The following BFSP1 variants were observed in gnomAD, a reference collection of about 807,000 sequenced individuals.
BFSP1 encodes filensin.
In BFSP1, 38 loss-of-function variants were observed where a neutral mutation model predicts 43.9. The ratio of observed to expected loss-of-function variants is 0.87; its 90% confidence interval spans 0.67 to 1.14. The LOEUF (loss-of-function observed/expected upper bound fraction) is 1.14. BFSP1 is among the 50% of genes most tolerant of loss of function. The probability of loss-of-function intolerance (pLI) is 0.00; values close to 1 mark genes in which losing one functional copy is unlikely to be tolerated. For synonymous variants in BFSP1, 352 were observed against 354.8 expected, an observed-to-expected ratio of 0.99 and a Z score of 0.09; for missense variants, 850 against 875.1, an observed-to-expected ratio of 0.97 and a Z score of 0.36.
rs530630840 is a variant in BFSP1, at chr20:17,546,255, G to A, written c.2+12433C>T. 1.1e-4 allele frequency among the ~76,000 whole-genome samples: 16 copies of A among 152,286 alleles called. No homozygotes were observed. The East Asian group carries it at 1.9e-3, about 18-fold the overall frequency. ...GACAGGTGAGAGAGAGGGAGAGCAC[G>A]TGAGACTGCAAGAAGAACTACCATT... On this transcript the variant is annotated intron_variant, in intron 1 of 7. Transcript: ENST00000377868.
At chr20:17,499,347 C>T (rs1344396074) in intron 5 of BFSP1, among the ~76,000 whole-genome samples, 1 of 148,130 alleles carries the variant, frequency 6.8e-6, no homozygotes, top group Non-Finnish European at 1.5e-5. Flanking sequence ...AGGCTAAAGG[C>T]TTCCACCTCA....
chr20:17,548,790 TG>T (rs1439716925), intron 1 of BFSP1, among the ~76,000 whole-genome samples: 1 of 151,854 alleles, frequency 6.6e-6, no homozygotes, highest in Non-Finnish European at 1.5e-5. Flanking sequence ...TTTTTGGTGG[TG>T]GTAGTTTTGT....
chr20:17,553,146 T>G (rs758166493), intron 1 of BFSP1, among the ~76,000 whole-genome samples: 11 of 152,100 alleles, frequency 7.2e-5, no homozygotes, highest in Non-Finnish European at 2.9e-5. Context: ...GAAGAGTGTG[T>G]GGGATTCCGG....
At position 17,496,182 on chromosome 20, in the gene BFSP1, G is replaced by C. The variant is rs545765156; in HGVS notation, c.1042+756C>G. Among the ~76,000 whole-genome samples the C allele has an allele frequency of 1.1e-4, 17 of 152,336 alleles. No homozygotes were observed. The East Asian group carries it at 3.3e-3, about 29-fold the overall frequency. ...TGCAGGGCCGCTCGTCTGCAGACCT[G>C]GCCCTGGGCGTCCAGCTGCAAGGCT... On this transcript the variant is annotated intron_variant, in intron 7 of 7. Transcript: ENST00000377873.
rs1434483138 is a variant in BFSP1, at chr20:17,494,355, A to G, written c.1717T>C (p.Cys573Arg). 1 of 1,614,170 alleles carries G rather than the reference A, an allele frequency of 6.2e-7. No individual in the cohort carries two copies. Among genetic ancestry groups the G allele is most frequent in the Non-Finnish European group, 8.5e-7 (1 of 1,179,998 alleles). Residue 573 changes from cysteine to arginine, a missense_variant, in exon 8 of 8, where the codon TGT (cysteine) becomes CGT (arginine). Transcript: ENST00000377873. ...EERDEESRRPCAMVTPGAEEP... is the reference protein window; with the variant it reads ...EERDEESRRPRAMVTPGAEEP... Reference sequence around the variant, plus strand: ...TCTGCACCGGGTGTGACCATGGCACAGGGTCTCCTGGACTCTTCGTCCCGC... The same window carrying G: ...TCTGCACCGGGTGTGACCATGGCACGGGGTCTCCTGGACTCTTCGTCCCGC...
Position 17,497,019 on chromosome 20 carries a change from T to C in BFSP1, c.961A>G (p.Thr321Ala), listed in dbSNP as rs1000178755. The C allele has an allele frequency of 2.6e-5, 40 of 1,534,392 alleles. No homozygotes were observed. Among genetic ancestry groups the C allele is most frequent in the Middle Eastern group, 1.7e-4 (1 of 5,976 alleles). The change falls in exon 7 of 8, where the codon ACC (threonine) becomes GCC (alanine). Residue 321 changes from threonine to alanine, a missense_variant. Transcript: ENST00000377873. ...RIIEIEGNRL[T>A]SAFIETPIPL... is the part of the protein sequence containing the mutation. ...ATGGGAGTTTCAATGAAGGCAGAGG[T>C]CAGCCTGGCAGAAAGAACCAGAAAG...
In BFSP1 at chr20:17,498,902, A is replaced by G. The variant is rs761049433; in HGVS notation, c.874T>C (p.Cys292Arg). 2 of 1,614,212 alleles carry G rather than the reference A, an allele frequency of 1.2e-6. No individual in the cohort carries two copies. Among genetic ancestry groups the G allele is most frequent in the South Asian group, 2.2e-5 (2 of 91,074 alleles). The change falls in exon 6 of 8, where the codon TGC (cysteine) becomes CGC (arginine). Residue 292 changes from cysteine (C) to arginine (R), a missense_variant. Cys to Arg is a radical substitution (Grantham distance 180). Coordinates refer to ENST00000377873, the MANE Select transcript of BFSP1 (RefSeq NM_001195.5). Reference sequence around the variant, plus strand: ...TGCTGGGCGACCGCCAGCTGCCGGCAGTCGTAAGAAGACTTCTCCAGGACC... The same window carrying G: ...TGCTGGGCGACCGCCAGCTGCCGGCGGTCGTAAGAAGACTTCTCCAGGACC... ...ERVLEKSSYD[C>R]RQLAVAQQTL...
At chr20:17,565,792 T>G (rs2122135635) in intron 1 of BFSP1, 1 of 152,292 alleles carries the variant, frequency 6.6e-6, no homozygotes, top group Admixed American at 6.5e-5. Context: ...AAAACTACAC[T>G]TGTGTCTTAG....
At chr20:17,522,347 G>T (rs563876839) in intron 2 of BFSP1, among the ~76,000 whole-genome samples, 1 of 152,106 alleles carries the variant, frequency 6.6e-6, no homozygotes, top group East Asian at 1.9e-4. Flanking sequence ...AATAAAACCT[G>T]CCCCCCCAAT....
chr20:17,562,350 C>A (rs190430650), upstream of BFSP1, among the ~76,000 whole-genome samples: 52 of 151,274 alleles, frequency 3.4e-4, no homozygotes, highest in Non-Finnish European at 6.5e-4. Context: ...CATGGTGAAA[C>A]CCCATCTCTA....
Position 17,507,968 on chromosome 20 carries a change from G to A in BFSP1, c.735+921C>T, listed in dbSNP as rs1266469853. Among the ~76,000 whole-genome samples the A allele has an allele frequency of 3.3e-5, 5 of 152,138 alleles. No individual in the cohort carries two copies. Among genetic ancestry groups the A allele is most frequent in the African/African-American group, 1.2e-4 (5 of 41,420 alleles). On this transcript the variant is annotated intron_variant, in intron 5 of 7. Coordinates refer to ENST00000377873, the MANE Select transcript of BFSP1 (RefSeq NM_001195.5). This position sits in a 1 kb window ranked among gnomAD's most constrained non-coding sequence, Gnocchi z 4.4. ...AAATGAAATCCTGAGCAGACATGGGGGCACTGGAAATCAATAAAAAGCGCT... is the reference window on the plus strand; with the variant it reads ...AAATGAAATCCTGAGCAGACATGGGAGCACTGGAAATCAATAAAAAGCGCT...
intron 4 of BFSP1, 50 bp downstream of exon 4, chr20:17,511,926 G>T: frequency 6.6e-7 from 1 of 1,508,606 alleles, no homozygotes; most frequent in Non-Finnish European, 9.2e-7. Flanking sequence ...GAGTCTCCAG[G>T]TACAGCTTCC....
chr20:17,519,284 A>G (rs1240628088), intron 2 of BFSP1, among the ~76,000 whole-genome samples: 2 of 152,210 alleles, frequency 1.3e-5, no homozygotes, highest in African/African-American at 4.8e-5. Context: ...TTGTTAAGCC[A>G]CATGTGCCAT....
At position 17,539,818 on chromosome 20, in the gene BFSP1, T is replaced by C. The variant is rs148394135; in HGVS notation, c.3-14910A>G. 7.1e-3 allele frequency among the ~76,000 whole-genome samples: 1,087 copies of C among 152,176 alleles called. 17 individuals are homozygous for C. Among genetic ancestry groups the C allele is most frequent in the East Asian group, 0.018 (95 of 5,178 alleles). The stretch of plus-strand genomic sequence containing the variant: ...AAACATACATTTGGGCTGTCCATTG[T>C]TTTGTAGGTCCAGGTCTACTTTTCT... On this transcript the variant is annotated intron_variant, in intron 1 of 7. Coordinates refer to the BFSP1 transcript ENST00000377868.
intron 1 of BFSP1, among the ~76,000 whole-genome samples, chr20:17,546,770 A>G (rs141872377): frequency 6.6e-6 from 1 of 152,232 alleles, no homozygotes; most frequent in Admixed American, 6.5e-5. Flanking sequence ...TTACGCCTGT[A>G]ATCCCAATAC....
intron 1 of BFSP1, among the ~76,000 whole-genome samples, chr20:17,539,941 C>A (rs1301483916): frequency 3.3e-5 from 5 of 152,062 alleles, no homozygotes; most frequent in African/African-American, 7.2e-5. Flanking sequence ...GGGGGGACAA[C>A]AATAGTGCAA....
upstream of BFSP1, among the ~76,000 whole-genome samples, chr20:17,535,942 A>G (rs1336654574): frequency 6.6e-6 from 1 of 152,052 alleles, no homozygotes; most frequent in East Asian, 1.9e-4. Context: ...TATTTTATTT[A>G]TGTATTTATT....
At chr20:17,531,397 C>T (rs1321295813), upstream of BFSP1, 52 of 1,278,130 alleles carry the variant, frequency 4.1e-5, no homozygotes. Context: ...GCGCAGCCCG[C>T]AGCCCGCTAA....
At chr20:17,531,384 C>T (rs1030510090), upstream of BFSP1, 5 of 1,291,142 alleles carry the variant, frequency 3.9e-6, no homozygotes, top group Non-Finnish European at 4.9e-6. Flanking sequence ...CAGGAGGCCC[C>T]CGGCGCAGCC....
Sources: allele counts gnomAD v4.1 joint callset (sites outside exome capture counted in the v4.1 genomes callset), GRCh38; gene constraint gnomAD v4.1.1; non-coding constraint Gnocchi (gnomAD v3.1); transcripts MANE v1.5; gene names NCBI Gene and HGNC (gene_info 2026-07-23, HGNC 2026-07-21).